The following LURAP1L variants were observed in gnomAD, a reference collection of about 807,000 sequenced individuals.
LURAP1L encodes leucine rich adaptor protein 1 like, also known as leucine rich adaptor protein 1-like.
Under a neutral mutation model 13.8 loss-of-function variants are expected in LURAP1L, and 12 were observed. That is an observed-to-expected ratio of 0.87 (90% CI 0.56 to 1.41). The LOEUF is 1.41. Among genes scored for constraint, LURAP1L ranks in the 40% most tolerant of loss-of-function variants. The probability of loss-of-function intolerance (pLI) is 0.00; values close to 1 mark genes in which losing one functional copy is unlikely to be tolerated. For synonymous variants in LURAP1L, 139 were observed against 119.2 expected (o/e 1.17, Z -1.08); for missense variants, 375 against 292.9 (o/e 1.28, Z -2.04).
At position 12,821,620 on chromosome 9, in the gene LURAP1L, C is replaced by A. The variant is rs746247829; in HGVS notation, c.547C>A (p.Leu183Met). Residue 183 changes from leucine (L) to methionine (M), a missense_variant, in exon 2 of 2, where the codon CTG becomes ATG. By Grantham distance (15) the Leu-to-Met change is conservative (BLOSUM62 2). Transcript: ENST00000319264. ...GLDGISVGSY[L>M]DTLADDVPGH... ...GGATGGCATTTCCGTGGGAAGTTAT[C>A]TGGACACGTTGGCGGATGATGTCCC... 3.1e-6 allele frequency: 5 copies of A among 1,614,190 alleles called. No homozygotes were observed. Among genetic ancestry groups the A allele is most frequent in the Non-Finnish European group, 4.2e-6 (5 of 1,180,044 alleles).
intron 1 of LURAP1L, among the ~76,000 whole-genome samples, chr9:12,818,929 T>C (rs1248752306): frequency 1.3e-5 from 2 of 152,200 alleles, no homozygotes; most frequent in Non-Finnish European, 1.5e-5. Flanking sequence ...GTTTGACTCA[T>C]ATTGATTTTT....
chr9:12,775,660 G>C lies in LURAP1L; in HGVS notation c.-56G>C. ...TGATTTCGCAGCAGCCTTCGAAGCCGTGGCTGCCTTTCATCTGCTGCGTTT... is the reference window on the plus strand; with the variant it reads ...TGATTTCGCAGCAGCCTTCGAAGCCCTGGCTGCCTTTCATCTGCTGCGTTT... On this transcript the variant is annotated 5_prime_UTR_variant, in exon 1 of 2. Coordinates refer to ENST00000319264, the MANE Select transcript of LURAP1L (RefSeq NM_203403.2). 2 of 1,520,510 alleles carry C rather than the reference G, an allele frequency of 1.3e-6. No individual in the cohort carries two copies. Among genetic ancestry groups the C allele is most frequent in the African/African-American group, 2.8e-5 (2 of 71,766 alleles). 94.2% of individuals were successfully genotyped at this position (1,520,510 alleles called of 1,614,324 possible).
intron 1 of LURAP1L, among the ~76,000 whole-genome samples, chr9:12,806,955 T>TA (rs1212408316): frequency 8.2e-6 from 1 of 122,258 alleles, no homozygotes; most frequent in Admixed American, 1.2e-4. Context: ...TAAAGTCTTT[T>TA]AAAAATGAGT....
At chr9:12,791,379 C>G (rs1261232831) in intron 1 of LURAP1L, among the ~76,000 whole-genome samples, 2 of 152,026 alleles carry the variant, frequency 1.3e-5, no homozygotes, top group African/African-American at 4.8e-5. Context: ...TTTAAATACC[C>G]ATTTTCCCAA....
At chr9:12,797,047 T>C (rs145178024) in intron 1 of LURAP1L, among the ~76,000 whole-genome samples, 128 of 152,142 alleles carry the variant, frequency 8.4e-4, no homozygotes, top group African/African-American at 3.0e-3. Context: ...CTTGTCACTA[T>C]GAAAGTCAAC....
intron 1 of LURAP1L, chr9:12,777,448 A>C: frequency 5.1e-6 from 5 of 985,400 alleles, no homozygotes; most frequent in Non-Finnish European, 6.0e-6. Context: ...CTGCAAATTA[A>C]GGACTTAATA....
intron 1 of LURAP1L, among the ~76,000 whole-genome samples, chr9:12,808,766 T>C (rs551855677): frequency 2.3e-4 from 35 of 152,320 alleles, no homozygotes; most frequent in African/African-American, 7.5e-4. Flanking sequence ...CTGTCATTCA[T>C]TTTGGGACAT....
At chr9:12,791,982 A>T (rs374814410) in intron 1 of LURAP1L, among the ~76,000 whole-genome samples, 1 of 152,226 alleles carries the variant, frequency 6.6e-6, no homozygotes, top group Middle Eastern at 3.4e-3. Flanking sequence ...AATCAGAAAC[A>T]TACCTGAGGC....
rs1244904937 is a variant in LURAP1L at position 12,822,493 on chromosome 9, G to A, written c.*733G>A. ...GAGATTAAGTATGGAGGCCATTCAA[G>A]GCAAAAATGTCCTAAATTTAATTGC... On this transcript the variant is annotated 3_prime_UTR_variant, in exon 2 of 2. Transcript: ENST00000319264. Among the ~76,000 whole-genome samples, 1 of 152,148 alleles carries A rather than the reference G, an allele frequency of 6.6e-6. No homozygotes were observed. The highest frequency in any genetic ancestry group is 1.5e-5 in the Non-Finnish European group (1 of 68,020).
chr9:12,785,343 G>C (rs990715719), intron 1 of LURAP1L, among the ~76,000 whole-genome samples: 1 of 152,058 alleles, frequency 6.6e-6, no homozygotes, highest in East Asian at 1.9e-4. Context: ...GGTGACACAA[G>C]CACTCCCTCG....
At chr9:12,779,907 G>A (rs113908519) in intron 1 of LURAP1L, among the ~76,000 whole-genome samples, 96 of 152,282 alleles carry the variant, frequency 6.3e-4, no homozygotes, top group African/African-American at 2.3e-3. Flanking sequence ...ATATTCAAAA[G>A]CCATCTGCTT....
chr9:12,792,355 A>G (rs1563890641), intron 1 of LURAP1L, among the ~76,000 whole-genome samples: 1 of 152,146 alleles, frequency 6.6e-6, no homozygotes, highest in East Asian at 1.9e-4. Flanking sequence ...CTAAAAAAAA[A>G]GATTTCTCCT....
intron 1 of LURAP1L, among the ~76,000 whole-genome samples, chr9:12,791,336 T>TC (rs1819437845): frequency 6.6e-6 from 1 of 152,012 alleles, no homozygotes. Context: ...TGTGTGGGTT[T>TC]CCCCCTAAAA....
intron 1 of LURAP1L, 146 bp from the exon 2 acceptor site, chr9:12,821,240 A>T (rs1819876224): frequency 1.1e-5 from 10 of 929,970 alleles, no homozygotes; most frequent in African/African-American, 1.6e-5. Flanking sequence ...GTCAGCAATT[A>T]TCAAAAAGTT....
At chr9:12,813,528 A>G (rs1463744853) in intron 1 of LURAP1L, among the ~76,000 whole-genome samples, 2 of 152,200 alleles carry the variant, frequency 1.3e-5, no homozygotes, top group Non-Finnish European at 2.9e-5. Flanking sequence ...TAAAAACACT[A>G]TAAAGCAGAA....
chr9:12,817,343 G>C (rs1218781174), intron 1 of LURAP1L, among the ~76,000 whole-genome samples: 4 of 152,106 alleles, frequency 2.6e-5, no homozygotes, highest in Admixed American at 6.5e-5. Context: ...GCACCTACTT[G>C]TGTGAGATAC....
intron 1 of LURAP1L, among the ~76,000 whole-genome samples, chr9:12,803,509 C>A (rs1308053851): frequency 6.6e-6 from 1 of 152,148 alleles, no homozygotes; most frequent in East Asian, 1.9e-4. Context: ...ATACAAAACA[C>A]CTGTTATCTC....
At chr9:12,777,011 G>A (rs942290830) in intron 1 of LURAP1L, among the ~76,000 whole-genome samples, 6 of 152,106 alleles carry the variant, frequency 3.9e-5, no homozygotes, top group Non-Finnish European at 8.8e-5. Context: ...TGGAGATAAG[G>A]AAAGTTGCAA....
chr9:12,813,780 T>A (rs1819769098), intron 1 of LURAP1L, among the ~76,000 whole-genome samples: 1 of 152,228 alleles, frequency 6.6e-6, no homozygotes, highest in African/African-American at 2.4e-5. Context: ...AATTTCAGTT[T>A]AATTAATATA....
Sources: gnomAD v4.1 joint callset for allele counts (sites outside exome capture counted in the v4.1 genomes callset) on GRCh38, gnomAD v4.1.1 for gene constraint, MANE v1.5 for transcripts, NCBI Gene and HGNC (gene_info 2026-07-23, HGNC 2026-07-21) for gene names.